The following PSMA5 variants were observed in gnomAD, a reference collection of about 807,000 sequenced individuals.
The protein encoded by PSMA5 is proteasome 20S subunit alpha 5.
PSMA5 carries 3 observed loss-of-function variants against 34.5 expected under a neutral mutation model. The ratio of observed to expected loss-of-function variants is 0.09; its 90% CI spans 0.04 to 0.22. PSMA5 has a LOEUF of 0.22. Among genes scored for constraint, PSMA5 ranks in the 10% least tolerant of loss-of-function variants. PSMA5 has a pLI of 1.00. For synonymous variants in PSMA5, 88 were observed against 95.8 expected, an observed-to-expected ratio of 0.92 and a Z score of 0.47; for missense variants, 120 against 286.1, an observed-to-expected ratio of 0.42 and a Z score of 4.19.
At chr1:109,407,271 G>C (rs747452344) in intron 8 of PSMA5, among the ~76,000 whole-genome samples, 3 of 152,112 alleles carry the variant, frequency 2.0e-5, no homozygotes, top group Non-Finnish European at 4.4e-5. Flanking sequence ...ACAGGCATGA[G>C]CCACCACGCC....
chr1:109,399,748 A>G lies in PSMA5; in HGVS notation c.*2265T>C, dbSNP rs910685976. The G allele has an allele frequency of 2.0e-5, 3 of 152,200 alleles. No individual in the cohort carries two copies. Among genetic ancestry groups the G allele is most frequent in the African/African-American group, 7.2e-5 (3 of 41,442 alleles). The allele number at this position is 152,200 out of a possible 1,614,324, so 9.4% of individuals were successfully genotyped here. Reference sequence around the variant, plus strand: ...GCACTGAGAAAATGTTTGAGTGAATATATTTATTATTTCACTTTTTAAATT... The same window carrying G: ...GCACTGAGAAAATGTTTGAGTGAATGTATTTATTATTTCACTTTTTAAATT... On this transcript the variant is annotated 3_prime_UTR_variant, in exon 9 of 9. Transcript: ENST00000271308.
chr1:109,407,933 C>T (rs189127220), intron 8 of PSMA5, among the ~76,000 whole-genome samples: 2 of 152,162 alleles, frequency 1.3e-5, no homozygotes, highest in African/African-American at 2.4e-5. Context: ...GCCTCAACTA[C>T]GATTTTAATA....
chr1:109,426,235 G>A (rs1654653109), intron 1 of PSMA5, 67 bp downstream of exon 1: 2 of 1,596,032 alleles, frequency 1.3e-6, no homozygotes, highest in African/African-American at 1.3e-5. Flanking sequence ...CAGAACCCAG[G>A]CCGCGCGGCC....
intron 8 of PSMA5, among the ~76,000 whole-genome samples, chr1:109,405,447 GTTTT>G (rs11390638): frequency 1.7e-5 from 2 of 118,304 alleles, no homozygotes; most frequent in Admixed American, 1.0e-4. Flanking sequence ...GTCAGAAAAG[GTTTT>G]TTTTTTTTTT....
rs1653391019 is a variant in PSMA5, at chr1:109,399,121, A to G, written c.*2892T>C. The G allele has an allele frequency of 6.6e-6, 1 of 152,248 alleles. No homozygotes were observed. The highest frequency in any genetic ancestry group is 1.5e-5 in the Non-Finnish European group (1 of 68,032). The allele number at this position is 152,248 out of a possible 1,614,324, so 9.4% of individuals were successfully genotyped here. On this transcript the variant is annotated 3_prime_UTR_variant, in exon 9 of 9. Transcript: ENST00000271308. ...AGTCATTGTAGAGCAAAATGATACA[A>G]TGCACCCAACCCGATATTTACATTA...
chr1:109,402,175 G>T, intron 8 of PSMA5, 85 bp from the exon 9 acceptor site: 1 of 950,550 alleles, frequency 1.1e-6, no homozygotes, highest in Non-Finnish European at 1.6e-6. Context: ...CTGTGTTGGT[G>T]ATGCAGCTAT....
At chr1:109,402,179 C>A in intron 8 of PSMA5, 89 bp from the exon 9 acceptor site, 1 of 926,800 alleles carries the variant, frequency 1.1e-6, no homozygotes, top group South Asian at 1.5e-5. Context: ...GTTGGTGATG[C>A]AGCTATTCAT....
chr1:109,422,044 C>A (rs1401390867), intron 1 of PSMA5, 118 bp from the exon 2 acceptor site: 2 of 581,844 alleles, frequency 3.4e-6, no homozygotes, highest in Admixed American at 4.3e-5. Flanking sequence ...TGTCATTATT[C>A]TCTACTTCGC....
At chr1:109,414,414 T>C (rs896585939) in intron 3 of PSMA5, among the ~76,000 whole-genome samples, 4 of 152,226 alleles carry the variant, frequency 2.6e-5, no homozygotes, top group African/African-American at 9.6e-5. Flanking sequence ...CTTAATTGCA[T>C]TGACTTACTT....
intron 2 of PSMA5, among the ~76,000 whole-genome samples, chr1:109,418,899 A>G (rs1443697500): frequency 6.6e-6 from 1 of 152,254 alleles, no homozygotes; most frequent in Non-Finnish European, 1.5e-5. Flanking sequence ...TCATGCCTAT[A>G]ATCCCAGCAA....
intron 2 of PSMA5, among the ~76,000 whole-genome samples, chr1:109,419,485 C>G (rs1654348420): frequency 6.6e-6 from 1 of 151,916 alleles, no homozygotes; most frequent in Non-Finnish European, 1.5e-5. Flanking sequence ...CTGTGCAACA[C>G]AGCGAAACCC....
At chr1:109,402,193 G>T (rs549650055) in intron 8 of PSMA5, 103 bp from the exon 9 acceptor site, 2 of 747,884 alleles carry the variant, frequency 2.7e-6, no homozygotes, top group South Asian at 3.7e-5. Flanking sequence ...TATTCATTAG[G>T]AACTAAGGGA....
intron 8 of PSMA5, among the ~76,000 whole-genome samples, chr1:109,407,092 TCTC>T (rs1653797768): frequency 6.6e-6 from 1 of 152,112 alleles, no homozygotes; most frequent in African/African-American, 2.4e-5. Flanking sequence ...GGTTCACACT[TCTC>T]CTGCCTCAGC....
At chr1:109,409,166 T>C (rs1160695948) in intron 8 of PSMA5, among the ~76,000 whole-genome samples, 1 of 152,186 alleles carries the variant, frequency 6.6e-6, no homozygotes, top group African/African-American at 2.4e-5. Context: ...TTCTTTTTAT[T>C]TTATTTTTGA....
At position 109,399,923 on chromosome 1, in the gene PSMA5, C is replaced by T. The variant is rs879285289; in HGVS notation, c.*2090G>A. ...GTAAATTTATCTTATTACTAAAAAC[C>T]GTACCTTTCTCCAGGAAACATTCTA... On this transcript the variant is annotated 3_prime_UTR_variant, in exon 9 of 9. Coordinates refer to ENST00000271308, the MANE Select transcript of PSMA5 (RefSeq NM_002790.4). 2 of 152,078 alleles carry T rather than the reference C, an allele frequency of 1.3e-5. No homozygotes were observed. Among genetic ancestry groups the T allele is most frequent in the South Asian group, 2.1e-4 (1 of 4,816 alleles). The allele number at this position is 152,078 out of a possible 1,614,324, so 9.4% of individuals were successfully genotyped here.
At chr1:109,421,441 C>T (rs1654440126) in intron 2 of PSMA5, among the ~76,000 whole-genome samples, 1 of 133,424 alleles carries the variant, frequency 7.5e-6, no homozygotes, top group Non-Finnish European at 1.6e-5. Flanking sequence ...CCAGCCTGGG[C>T]AACTGAGAGA....
At chr1:109,404,588 T>G (rs1653670235) in intron 8 of PSMA5, among the ~76,000 whole-genome samples, 1 of 152,202 alleles carries the variant, frequency 6.6e-6, no homozygotes, top group Admixed American at 6.5e-5. Flanking sequence ...AAGGACTGCC[T>G]TCAGGAAGTT....
chr1:109,424,648 G>A (rs1380019091), intron 1 of PSMA5, among the ~76,000 whole-genome samples: 1 of 151,420 alleles, frequency 6.6e-6, no homozygotes, highest in Admixed American at 6.6e-5. Flanking sequence ...TGGTGGCACC[G>A]CCTGTAATCC....
At chr1:109,408,566 T>A (rs1195228501) in intron 8 of PSMA5, among the ~76,000 whole-genome samples, 1 of 152,250 alleles carries the variant, frequency 6.6e-6, no homozygotes, top group Non-Finnish European at 1.5e-5. Flanking sequence ...ATACCTGCTA[T>A]ATAATGGGTA....
Sources: gnomAD v4.1 joint callset for allele counts (sites outside exome capture counted in the v4.1 genomes callset) on GRCh38, gnomAD v4.1.1 for gene constraint, MANE v1.5 for transcripts, NCBI Gene and HGNC (gene_info 2026-07-23, HGNC 2026-07-21) for gene names.